The following PDLIM3 variants were observed in gnomAD, a reference collection of about 807,000 sequenced individuals.
The protein encoded by PDLIM3 is PDZ and LIM domain 3, also known as PDZ and LIM domain protein 3.
A neutral mutation model predicts 37.3 loss-of-function variants in PDLIM3; 36 were observed. The ratio of observed to expected loss-of-function variants is 0.97; its 90% confidence interval spans 0.74 to 1.28. The LOEUF is 1.28. Among genes scored for constraint, PDLIM3 ranks in the 50% most tolerant of loss-of-function variants. The pLI, the probability that PDLIM3 is intolerant of heterozygous loss-of-function variation, is 0.00. For missense variants in PDLIM3, 454 were observed against 485.0 expected (o/e 0.94, Z 0.60); for synonymous variants, 174 against 182.4 (o/e 0.95, Z 0.37).
At chr4:185,515,202 C>T (rs975039076) in intron 3 of PDLIM3, 18 of 180,158 alleles carry the variant, frequency 1.0e-4, no homozygotes, top group Admixed American at 3.1e-4. Flanking sequence ...TCTAATGACT[C>T]ATTTGAATAC....
intron 1 of PDLIM3, 33 bp from the exon 2 acceptor site, chr4:185,525,204 A>G (rs370571114): frequency 3.1e-6 from 5 of 1,611,432 alleles, no homozygotes; most frequent in Non-Finnish European, 4.2e-6. Flanking sequence ...TTAAAAACCA[A>G]CATCCCGCAG....
At chr4:185,534,063 T>A (rs1010201842) in intron 1 of PDLIM3, among the ~76,000 whole-genome samples, 1 of 152,206 alleles carries the variant, frequency 6.6e-6, no homozygotes, top group Non-Finnish European at 1.5e-5. Flanking sequence ...GGAACGTTTT[T>A]GGGGGTATGT....
intron 3 of PDLIM3, chr4:185,515,010 A>G (rs963969135): frequency 1.3e-6 from 1 of 760,840 alleles, no homozygotes; most frequent in African/African-American, 1.8e-5. Context: ...GATTGACGGA[A>G]AGATTAGAGG....
intron 6 of PDLIM3, among the ~76,000 whole-genome samples, chr4:185,505,196 C>T (rs1199583728): frequency 3.9e-5 from 6 of 152,176 alleles, no homozygotes; most frequent in South Asian, 2.1e-4. Flanking sequence ...CATGGTGCGC[C>T]GTGTGTCAGA....
Position 185,504,858 on chromosome 4 carries a change from A to G in PDLIM3, c.794-272T>C, listed in dbSNP as rs1247807614. 6.6e-6 allele frequency among the ~76,000 whole-genome samples: 1 copy of G among 152,180 alleles called. No individual in the cohort carries two copies. The highest frequency in any genetic ancestry group is 2.4e-5 in the African/African-American group (1 of 41,442). On this transcript the variant is annotated intron_variant, in intron 6 of 7. Coordinates refer to ENST00000284767, the MANE Select transcript of PDLIM3 (RefSeq NM_014476.6). The surrounding 1 kb of genome is among the most constrained non-coding windows in gnomAD (Gnocchi z 4.7). ...GCATTATTATTTTTTATTGTAGCAA[A>G]ATATACATAAAATTTACCATTTTCA... is the stretch of plus-strand genomic sequence containing the variant.
intron 3 of PDLIM3, among the ~76,000 whole-genome samples, chr4:185,518,537 AAACT>A (rs1445943222): frequency 6.6e-6 from 1 of 152,162 alleles, no homozygotes; most frequent in Non-Finnish European, 1.5e-5. Context: ...TAAGAGAAAC[AAACT>A]CTATGAAGTG....
chr4:185,503,541 G>A (rs2095691006), intron 7 of PDLIM3, among the ~76,000 whole-genome samples: 1 of 152,216 alleles, frequency 6.6e-6, no homozygotes, highest in Non-Finnish European at 1.5e-5. Context: ...TGAGTTCATG[G>A]CAGGAGGAAT....
intron 3 of PDLIM3, chr4:185,515,149 C>T (rs1561196512): frequency 3.8e-6 from 1 of 260,490 alleles, no homozygotes; most frequent in African/African-American, 2.2e-5. Context: ...AACATTGCAC[C>T]TCTTATCTGC....
At chr4:185,518,116 C>A (rs189245539) in intron 3 of PDLIM3, among the ~76,000 whole-genome samples, 7 of 152,222 alleles carry the variant, frequency 4.6e-5, no homozygotes, top group Admixed American at 2.6e-4. Context: ...TGTAATTATT[C>A]CCTTAATGGA....
In PDLIM3 at chr4:185,523,217, T is replaced by C. The variant is rs1361690954; in HGVS notation, c.330+145A>G. 7.9e-6 allele frequency: 5 copies of C among 629,906 alleles called. No homozygotes were observed. The Admixed American group carries it at 1.1e-4, about 14-fold the overall frequency. 39.0% of individuals were successfully genotyped at this position (629,906 alleles called of 1,614,324 possible). A position where few individuals can be genotyped will look rare whatever the true frequency, so the allele number is the denominator to read the frequency against. On this transcript the variant is annotated intron_variant, in intron 3 of 7. Transcript: ENST00000284767. ...TTGATGTAAGAAAACACGGATAATA[T>C]AAATTAATCTCGGAGAGGAATGACA...
intron 6 of PDLIM3, among the ~76,000 whole-genome samples, chr4:185,506,302 CT>C (rs2095696978): frequency 6.6e-6 from 1 of 152,094 alleles, no homozygotes; most frequent in Admixed American, 6.6e-5. Context: ...CTTTGGTGTC[CT>C]TTTGTGACTT....
At chr4:185,526,362 T>C (rs1288533707) in intron 1 of PDLIM3, among the ~76,000 whole-genome samples, 2 of 152,216 alleles carry the variant, frequency 1.3e-5, no homozygotes, top group Non-Finnish European at 2.9e-5. Context: ...ACATTAAATG[T>C]AAATCATCTA....
At chr4:185,509,347 T>C (rs10024751) in intron 4 of PDLIM3, among the ~76,000 whole-genome samples, 23,388 of 152,202 alleles carry the variant, frequency 0.15, 2,022 homozygotes, top group Middle Eastern at 0.26. Context: ...ACTCTTTCGA[T>C]GCTTATATTT....
rs1348180473 is a variant in PDLIM3, at chr4:185,504,432, G to A, written c.905+43C>T. 4 of 1,486,366 alleles carry A rather than the reference G, an allele frequency of 2.7e-6. No individual in the cohort carries two copies. Among genetic ancestry groups the A allele is most frequent in the Admixed American group, 1.7e-5 (1 of 59,538 alleles). 92.1% of individuals were successfully genotyped at this position (1,486,366 alleles called of 1,614,324 possible). ...CTTAAAGGAGAAGAAATGAACTGTC[G>A]CCAAGCTGTATCGTAAATTCCAGGG... On this transcript the variant is annotated intron_variant, in intron 7 of 7. Coordinates refer to ENST00000284767, the MANE Select transcript of PDLIM3 (RefSeq NM_014476.6). This position sits in a 1 kb window ranked among gnomAD's most constrained non-coding sequence, Gnocchi z 4.7.
intron 1 of PDLIM3, among the ~76,000 whole-genome samples, chr4:185,535,007 T>C (rs913970757): frequency 6.6e-6 from 1 of 152,198 alleles, no homozygotes; most frequent in Non-Finnish European, 1.5e-5. Context: ...TGTTATCACA[T>C]ATAAAACATT....
Position 185,535,351 on chromosome 4 carries a change from G to A in PDLIM3, c.84C>T (p.Val28=), listed in dbSNP as rs1181226861. 6.2e-7 allele frequency: 1 copy of A among 1,608,232 alleles called. No homozygotes were observed. The highest frequency in any genetic ancestry group is 1.7e-5 in the Admixed American group (1 of 59,606). ...GAATGCCGACACCTACCCTGGTGAT[G>A]ACCAAAGGCTGGTTGAAGTCTATGC... ...SGGIDFNQPL[V]ITRITPGSKA... is the part of the protein sequence containing the mutation. Residue 28 remains valine (V), a synonymous_variant, in exon 1 of 8, where the codon GTC becomes GTT. Coordinates refer to ENST00000284767, the MANE Select transcript of PDLIM3 (RefSeq NM_014476.6).
intron 1 of PDLIM3, among the ~76,000 whole-genome samples, chr4:185,526,744 T>C (rs2095734872): frequency 1.3e-5 from 2 of 152,170 alleles, no homozygotes; most frequent in Admixed American, 1.3e-4. Context: ...GATTTCCTTT[T>C]AGTTCCTCAT....
chr4:185,506,822 A>C lies in PDLIM3; in HGVS notation c.663-170T>G, dbSNP rs145640619. ...ATAGTTAAAAGCATAATGTGAATTC[A>C]AATGGCTGCCTTGGAAATGTCATTG... On this transcript the variant is annotated intron_variant, in intron 5 of 7. Transcript: ENST00000284767. 2.9e-5 allele frequency: 18 copies of C among 613,734 alleles called. No individual in the cohort carries two copies. In the African/African-American group the frequency reaches 3.1e-4, roughly 11 times the overall value. The allele number at this position is 613,734 out of a possible 1,614,324, so 38.0% of individuals were successfully genotyped here.
Position 185,502,117 on chromosome 4 carries a change from T to C in PDLIM3, c.*177A>G. 1.5e-6 allele frequency: 1 copy of C among 689,364 alleles called. No individual in the cohort carries two copies. The highest frequency in any genetic ancestry group is 2.6e-6 in the Non-Finnish European group (1 of 386,770). 42.7% of individuals were successfully genotyped at this position (689,364 alleles called of 1,614,324 possible). ...TAGCTAAGTGTATGTTTTTTTCACA[T>C]AGCAGGCATTTGCCTCCCATTCCTT... On this transcript the variant is annotated 3_prime_UTR_variant, in exon 8 of 8. Transcript: ENST00000284767.
Sources: gnomAD v4.1 joint callset for allele counts (sites outside exome capture counted in the v4.1 genomes callset) on GRCh38, gnomAD v4.1.1 for gene constraint, Gnocchi (gnomAD v3.1) non-coding constraint, MANE v1.5 for transcripts, NCBI Gene and HGNC (gene_info 2026-07-23, HGNC 2026-07-21) for gene names.